Variants in FHIT observed in about 807,000 individuals in gnomAD.
FHIT encodes the protein fragile histidine triad diadenosine triphosphatase, also known as bis(5'-adenosyl)-triphosphatase.
In FHIT, 19 loss-of-function variants were observed where a neutral mutation model predicts 17.9. The observed-to-expected ratio is 1.06, with a 90% CI of 0.74 to 1.56. The LOEUF (loss-of-function observed/expected upper bound fraction) is 1.56, where lower values mean the gene tolerates loss of function less well. Among genes scored for constraint, FHIT ranks in the 40% most tolerant of loss-of-function variants. The probability of loss-of-function intolerance (pLI) is 0.00; values close to 1 mark genes in which losing one functional copy is unlikely to be tolerated. For synonymous variants in FHIT, 81 were observed against 69.7 expected (o/e 1.16, Z -0.81); for missense variants, 248 against 189.2 (o/e 1.31, Z -1.82).
chr3:61,002,942 C>T (rs2031196596), intron 3 of FHIT, among the ~76,000 whole-genome samples: 1 of 152,154 alleles, frequency 6.6e-6, no homozygotes, highest in Non-Finnish European at 1.5e-5. Flanking sequence ...GGTTGCACTT[C>T]AACACTTTCT....
intron 8 of FHIT, among the ~76,000 whole-genome samples, chr3:59,851,483 T>A (rs1275950796): frequency 6.7e-6 from 1 of 148,766 alleles, no homozygotes; most frequent in Non-Finnish European, 1.5e-5. Context: ...CTAAGTAACT[T>A]GTCTTAAGTT....
chr3:60,731,782 A>G (rs2042035105), intron 4 of FHIT, among the ~76,000 whole-genome samples: 1 of 152,118 alleles, frequency 6.6e-6, no homozygotes, highest in Non-Finnish European at 1.5e-5. Context: ...GCCAGCTGCA[A>G]CCAATTATTA....
chr3:60,222,439 A>G (rs1704005062), intron 5 of FHIT, among the ~76,000 whole-genome samples: 1 of 152,128 alleles, frequency 6.6e-6, no homozygotes, highest in Non-Finnish European at 1.5e-5. Flanking sequence ...CCTTTTTACA[A>G]TAGCCTCACA....
intron 5 of FHIT, among the ~76,000 whole-genome samples, chr3:60,365,865 G>A (rs960524206): frequency 1.3e-5 from 2 of 152,018 alleles, no homozygotes; most frequent in Non-Finnish European, 1.5e-5. Context: ...ATGAAAATAC[G>A]TAACAACAAA....
At chr3:61,098,067 T>A (rs1480765562) in intron 2 of FHIT, among the ~76,000 whole-genome samples, 1 of 152,132 alleles carries the variant, frequency 6.6e-6, no homozygotes, top group East Asian at 1.9e-4. Flanking sequence ...ATTTCCAGGG[T>A]TTTTATAGTT....
intron 8 of FHIT, among the ~76,000 whole-genome samples, chr3:59,898,248 A>G (rs1339792282): frequency 6.6e-6 from 1 of 152,164 alleles, no homozygotes; most frequent in Non-Finnish European, 1.5e-5. Flanking sequence ...ACATAAACAA[A>G]TTTTGTGTTT....
At chr3:60,217,318 G>A (rs1243549155) in intron 5 of FHIT, among the ~76,000 whole-genome samples, 1 of 152,060 alleles carries the variant, frequency 6.6e-6, no homozygotes, top group Non-Finnish European at 1.5e-5. Context: ...CAGATGAGTC[G>A]AAGAAAAGAC....
intron 4 of FHIT, among the ~76,000 whole-genome samples, chr3:60,594,670 T>C (rs1356260502): frequency 6.6e-6 from 1 of 152,076 alleles, no homozygotes; most frequent in South Asian, 2.1e-4. Context: ...CTACTTCCTT[T>C]TGAGTCTTCA....
At chr3:60,195,557 A>ATATATATATATTTATG (rs1553709049) in intron 5 of FHIT, among the ~76,000 whole-genome samples, 1 of 141,670 alleles carries the variant, frequency 7.1e-6, no homozygotes, top group African/African-American at 2.5e-5. Flanking sequence ...ATATATATAT[A>ATATATATATATTTATG]TATTTATATT....
intron 2 of FHIT, among the ~76,000 whole-genome samples, chr3:61,048,873 G>A (rs1365024153): frequency 2.0e-5 from 3 of 152,138 alleles, no homozygotes; most frequent in East Asian, 3.9e-4. Context: ...ACTATCACAA[G>A]GACAGAAAAC....
intron 2 of FHIT, among the ~76,000 whole-genome samples, chr3:61,126,432 A>G (rs1216407370): frequency 6.6e-6 from 1 of 152,156 alleles, no homozygotes; most frequent in East Asian, 1.9e-4. Flanking sequence ...GGAAAATTAC[A>G]GTCATGGCGG....
intron 7 of FHIT, among the ~76,000 whole-genome samples, chr3:59,948,795 T>C (rs887055138): frequency 2.6e-5 from 4 of 152,198 alleles, no homozygotes; most frequent in Admixed American, 6.5e-5. Context: ...TTATGTCTTT[T>C]GTCCACTCTA....
At chr3:60,931,068 C>A (rs185800675) in intron 3 of FHIT, among the ~76,000 whole-genome samples, 1 of 152,100 alleles carries the variant, frequency 6.6e-6, no homozygotes, top group Non-Finnish European at 1.5e-5. Context: ...TTTGTAGGGA[C>A]ATGGATGAAG....
chr3:61,083,822 A>C (rs527450436), intron 2 of FHIT, among the ~76,000 whole-genome samples: 1 of 152,170 alleles, frequency 6.6e-6, no homozygotes, highest in African/African-American at 2.4e-5. Context: ...TCCATGTTGC[A>C]GCATATATGA....
chr3:60,229,820 G>A (rs746144388), intron 5 of FHIT, among the ~76,000 whole-genome samples: 5 of 152,094 alleles, frequency 3.3e-5, no homozygotes, highest in Non-Finnish European at 7.4e-5. Flanking sequence ...TCTCTAAAAG[G>A]ACTTTTTTAA....
At chr3:61,214,059 G>C (rs2039585136) in intron 1 of FHIT, among the ~76,000 whole-genome samples, 1 of 152,126 alleles carries the variant, frequency 6.6e-6, no homozygotes, top group Non-Finnish European at 1.5e-5. Context: ...AAGCAGGAAA[G>C]ATCCAAAATT....
chr3:60,655,914 C>T (rs564758524), intron 4 of FHIT, among the ~76,000 whole-genome samples: 35 of 152,290 alleles, frequency 2.3e-4, no homozygotes, highest in Admixed American at 9.2e-4. Flanking sequence ...AGTGACTCCA[C>T]GTTTTGGCTA....
At chr3:59,822,652 T>G (rs1236544512) in intron 8 of FHIT, among the ~76,000 whole-genome samples, 1 of 136,894 alleles carries the variant, frequency 7.3e-6, no homozygotes, top group African/African-American at 3.7e-5. Context: ...GGATTGTTTG[T>G]TTTTTTCTTG....
At chr3:60,882,086 T>C (rs960749039) in intron 3 of FHIT, among the ~76,000 whole-genome samples, 3 of 151,842 alleles carry the variant, frequency 2.0e-5, no homozygotes, top group Non-Finnish European at 4.4e-5. Flanking sequence ...ATACAAAAGA[T>C]CATTAGAGAC....
Sources: gnomAD v4.1 joint callset for allele counts (sites outside exome capture counted in the v4.1 genomes callset) on GRCh38, gnomAD v4.1.1 for gene constraint, MANE v1.5 for transcripts, NCBI Gene and HGNC (gene_info 2026-07-23, HGNC 2026-07-21) for gene names.